The following RYR2 variants were observed in gnomAD, a reference collection of about 807,000 sequenced individuals.
RYR2 encodes cardiac muscle ryanodine receptor-calcium release channel.
A neutral mutation model predicts 601.1 loss-of-function variants in RYR2; 227 were observed. The observed-to-expected ratio is 0.38, with a 90% CI of 0.34 to 0.42. The LOEUF (loss-of-function observed/expected upper bound fraction) is 0.42. Among genes scored for constraint, RYR2 ranks in the 10% least tolerant of loss-of-function variants. The pLI, the probability that RYR2 is intolerant of heterozygous loss-of-function variation, is 1.00. For synonymous variants in RYR2, 2,223 were observed against 2,175.1 expected (o/e 1.02, Z -0.61); for missense variants, 4,646 against 6,156.5 (o/e 0.75, Z 8.21).
Position 237,623,501 on chromosome 1 carries a change from C to G in RYR2, c.5917-264C>G, listed in dbSNP as rs1679319200. ...CTCCACCTCCCAGGTTCAAACAATT[C>G]TACTGCCTCAGCCTCCTGAGTAGCT... is the stretch of plus-strand genomic sequence containing the variant. On this transcript the variant is annotated intron_variant, in intron 38 of 104. Transcript: ENST00000366574. 4.7e-5 allele frequency among the ~76,000 whole-genome samples: 7 copies of G among 147,410 alleles called. No individual in the cohort carries two copies. In the South Asian group the frequency reaches 1.6e-3, roughly 33 times the overall value.
intron 10 of RYR2, 65 bp from the exon 11 acceptor site, chr1:237,416,984 A>C: frequency 6.9e-7 from 1 of 1,443,364 alleles, no homozygotes; most frequent in Non-Finnish European, 9.7e-7. Context: ...GCTTCAAAAA[A>C]TTAGAGTCCA....
intron 27 of RYR2, among the ~76,000 whole-genome samples, chr1:237,552,749 G>A (rs1244120579): frequency 6.6e-6 from 1 of 151,788 alleles, no homozygotes; most frequent in African/African-American, 2.4e-5. Context: ...AATAATAATA[G>A]TAATAATTTA....
chr1:237,767,710 C>G (rs1218982594), intron 84 of RYR2, among the ~76,000 whole-genome samples: 1 of 152,134 alleles, frequency 6.6e-6, no homozygotes, highest in African/African-American at 2.4e-5. Flanking sequence ...ATAATTGAAG[C>G]AGTCATACTT....
intron 1 of RYR2, among the ~76,000 whole-genome samples, chr1:237,181,771 T>C (rs1334192262): frequency 6.6e-6 from 1 of 152,100 alleles, no homozygotes. Flanking sequence ...ATGCAAAGGG[T>C]TAAGAAACTG....
At chr1:237,792,400 T>A in intron 94 of RYR2, 77 bp downstream of exon 94, 1 of 151,834 alleles carries the variant, frequency 6.6e-6, no homozygotes, top group Non-Finnish European at 1.3e-5. Flanking sequence ...TGTGTGTGCG[T>A]GTGTGTGTGT....
At chr1:237,056,076 C>T (rs561885752) in intron 1 of RYR2, among the ~76,000 whole-genome samples, 1 of 149,570 alleles carries the variant, frequency 6.7e-6, no homozygotes, top group South Asian at 2.2e-4. Flanking sequence ...GACTGGAGCA[C>T]TGCACCTGTG....
At chr1:237,525,082 T>C (rs1008371602) in intron 24 of RYR2, among the ~76,000 whole-genome samples, 8 of 152,124 alleles carry the variant, frequency 5.3e-5, no homozygotes, top group Non-Finnish European at 8.8e-5. Flanking sequence ...ATAGTCAACA[T>C]TGTACTTGAC....
chr1:237,186,495 T>C (rs1679351017), intron 1 of RYR2, among the ~76,000 whole-genome samples: 1 of 152,206 alleles, frequency 6.6e-6, no homozygotes, highest in South Asian at 2.1e-4. Flanking sequence ...ATGGCTTGAA[T>C]TTTTAACTTT....
In RYR2 at chr1:237,402,479, TA is replaced by T. The variant is rs200429851; in HGVS notation, c.773+14302del. Among the ~76,000 whole-genome samples the T allele has an allele frequency of 5.8e-3, 875 of 151,828 alleles. 7 individuals carry two copies. Among genetic ancestry groups the T allele is most frequent in the African/African-American group, 0.02 (821 of 41,454 alleles). ...CAATTTAGTAGAGAACTGGAAACTA[TA>T]AAAAATGATCATATAGACATTCTAA... On this transcript the variant is annotated intron_variant, in intron 10 of 104. Transcript: ENST00000366574.
chr1:237,720,832 G>A (rs1689659021), intron 73 of RYR2, among the ~76,000 whole-genome samples: 1 of 152,194 alleles, frequency 6.6e-6, no homozygotes, highest in Non-Finnish European at 1.5e-5. Flanking sequence ...TAAGCAGAAA[G>A]AAGTTTGTCC....
rs182188624 is a variant in RYR2, at chr1:237,571,595, G to A, written c.3598+2276G>A. On this transcript the variant is annotated intron_variant, in intron 29 of 104. Coordinates refer to ENST00000366574, the MANE Select transcript of RYR2 (RefSeq NM_001035.3). ...CTCCCAAAGTGCTGGGAATATAGGC[G>A]TGAGCCACTGCACCAGGCCTATTTC... is the stretch of plus-strand genomic sequence containing the variant. 2.1e-3 allele frequency among the ~76,000 whole-genome samples: 315 copies of A among 152,184 alleles called. 3 individuals carry two copies. The highest frequency in any genetic ancestry group is 7.3e-3 in the African/African-American group (303 of 41,544).
intron 29 of RYR2, among the ~76,000 whole-genome samples, chr1:237,574,224 A>T (rs960776601): frequency 1.4e-4 from 21 of 152,186 alleles, no homozygotes; most frequent in African/African-American, 4.8e-4. Context: ...ACAAAGGAAT[A>T]GTGAGGGGCA....
At chr1:237,330,735 G>T in intron 2 of RYR2, 143 bp from the exon 3 acceptor site, 1 of 699,712 alleles carries the variant, frequency 1.4e-6, no homozygotes, top group Non-Finnish European at 2.6e-6. Flanking sequence ...AGTAATGACA[G>T]TGTTTCTTGA....
intron 1 of RYR2, among the ~76,000 whole-genome samples, chr1:237,148,977 G>A (rs1674390285): frequency 2.0e-5 from 3 of 151,970 alleles, no homozygotes; most frequent in African/African-American, 7.2e-5. Context: ...ATACATTTTT[G>A]TTTTCACTTC....
intron 41 of RYR2, among the ~76,000 whole-genome samples, chr1:237,629,518 G>T (rs1241269519): frequency 6.6e-6 from 1 of 151,888 alleles, no homozygotes; most frequent in Non-Finnish European, 1.5e-5. Context: ...GTTAAACAGT[G>T]ATTAGAAGAC....
At position 237,785,986 on chromosome 1, in the gene RYR2, AGAAGAAAAG is replaced by A; in HGVS notation, c.13287_13295del (p.Lys4432_Glu4434del). Reference sequence around the variant, plus strand: ...CATTCAAGGAACAGAAGGCAAAAGAAGAAGAAAAGGAAGAAAAAGAAGAAACCAAATCTG... The same window carrying A: ...CATTCAAGGAACAGAAGGCAAAAGAAGAAGAAAAAGAAGAAACCAAATCTG... On this transcript the variant is annotated inframe_deletion, in exon 91 of 105. Transcript: ENST00000366574. The A allele has an allele frequency of 6.3e-7, 1 of 1,592,850 alleles. No homozygotes were observed. Among genetic ancestry groups the A allele is most frequent in the Non-Finnish European group, 8.6e-7 (1 of 1,168,356 alleles).
At chr1:237,094,032 C>G (rs917500992) in intron 1 of RYR2, among the ~76,000 whole-genome samples, 1 of 152,176 alleles carries the variant, frequency 6.6e-6, no homozygotes, top group African/African-American at 2.4e-5. Flanking sequence ...AGAGCAGGCC[C>G]GGAGCCTCTG....
Position 237,514,202 on chromosome 1 carries a change from A to C in RYR2, c.2822+2411A>C, listed in dbSNP as rs1428839215. Among the ~76,000 whole-genome samples, 4 of 152,232 alleles carry C rather than the reference A, an allele frequency of 2.6e-5. No homozygotes were observed. In the East Asian group the frequency reaches 7.7e-4, roughly 29 times the overall value. Reference sequence around the variant, plus strand: ...TTATTGAAAGGTCAAGGTCTAACATAATTTAAATTTGCAGTGCATTCCCTA... The same window carrying C: ...TTATTGAAAGGTCAAGGTCTAACATCATTTAAATTTGCAGTGCATTCCCTA... On this transcript the variant is annotated intron_variant, in intron 24 of 104. Coordinates refer to ENST00000366574, the MANE Select transcript of RYR2 (RefSeq NM_001035.3).
intron 29 of RYR2, among the ~76,000 whole-genome samples, chr1:237,580,903 G>A (rs1314078035): frequency 1.3e-5 from 2 of 152,190 alleles, no homozygotes; most frequent in Non-Finnish European, 2.9e-5. Context: ...AACGAAGCCT[G>A]CTGACACCTT....
Sources: allele counts gnomAD v4.1 joint callset (sites outside exome capture counted in the v4.1 genomes callset), GRCh38; gene constraint gnomAD v4.1.1; transcripts MANE v1.5; gene names NCBI Gene and HGNC (gene_info 2026-07-23, HGNC 2026-07-21).